The following IFT27 variants were observed in gnomAD, a reference collection of about 807,000 sequenced individuals.
IFT27 encodes intraflagellar transport protein 27 homolog.
A neutral mutation model predicts 23.9 loss-of-function variants in IFT27; 19 were observed. That is an observed-to-expected ratio of 0.79 (90% confidence interval 0.55 to 1.16). IFT27 has a LOEUF of 1.16. Among genes scored for constraint, IFT27 ranks in the 50% most tolerant of loss-of-function variants. IFT27 has a pLI of 0.00. For synonymous variants in IFT27, 91 were observed against 89.1 expected (o/e 1.02, Z -0.12); for missense variants, 206 against 228.7 (o/e 0.90, Z 0.64).
In IFT27 at chr22:36,768,199, C is replaced by CTT. The variant is rs1938303938; in HGVS notation, c.35-339_35-338dup. On this transcript the variant is annotated intron_variant, in intron 1 of 6. Coordinates refer to ENST00000433985, the MANE Select transcript of IFT27 (RefSeq NM_001177701.3). ...CACGCCCTATGGGGAAAAGCTGTCA[C>CTT]TTCCAAACTGGAATTTACTTTGAAG... The CTT allele has an allele frequency of 6.9e-6, 3 of 433,902 alleles. No individual in the cohort carries two copies. In the Admixed American group the frequency reaches 8.9e-5, roughly 13 times the overall value. 26.9% of individuals were successfully genotyped at this position (433,902 alleles called of 1,614,324 possible). A position where few individuals can be genotyped will look rare whatever the true frequency, so the allele number is the denominator to read the frequency against.
Position 36,775,971 on chromosome 22 carries a change from A to G in IFT27, c.-264T>C. 2 of 583,472 alleles carry G rather than the reference A, an allele frequency of 3.4e-6. No individual in the cohort carries two copies. The highest frequency in any genetic ancestry group is 3.7e-5 in the African/African-American group (2 of 53,454). 36.1% of individuals were successfully genotyped at this position (583,472 alleles called of 1,614,324 possible). ...TCGAGGCCTGACACGGCAGTCTGAA[A>G]AGGTGCAAGCGAGCGGACACGGCCT... On this transcript the variant is annotated 5_prime_UTR_variant, in exon 1 of 7. Coordinates refer to ENST00000433985, the MANE Select transcript of IFT27 (RefSeq NM_001177701.3).
intron 1 of IFT27, among the ~76,000 whole-genome samples, chr22:36,771,472 C>G (rs1382144848): frequency 6.6e-6 from 1 of 152,168 alleles, no homozygotes; most frequent in Non-Finnish European, 1.5e-5. Context: ...GAACACAGGG[C>G]TGGGCTCCTC....
In IFT27 at chr22:36,758,377, G is replaced by A; in HGVS notation, c.495C>T (p.His165=). 1 of 1,614,158 alleles carries A rather than the reference G, an allele frequency of 6.2e-7. No individual in the cohort carries two copies. The highest frequency in any genetic ancestry group is 8.5e-7 in the Non-Finnish European group (1 of 1,180,024). ...GCTGGTGGAACTGCTTGGCAAGGCA[G>A]TGGAAAGGGGCTTCGAAGTTTTCCA... is the stretch of plus-strand genomic sequence containing the variant. ...KEMENFEAPF[H]CLAKQFHQLY... is the part of the protein sequence containing the mutation. The change falls in exon 7 of 7, where the codon CAC becomes CAT. Residue 165 remains histidine, a synonymous_variant. Transcript: ENST00000433985.
rs1211294837 is a variant in IFT27 at position 36,758,315 on chromosome 22, G to A, written c.557C>T (p.Ala186Val). The change falls in exon 7 of 7, where the codon GCA (alanine) becomes GTA (valine). Residue 186 changes from alanine to valine, a missense_variant. Transcript: ENST00000433985. ...AGCACGATCTGCTCCAGCTCGTCAT[G>A]CCAGGGCCCGGAAAACCTCCACCTT... ...REKVEVFRAL[A>V] is the part of the protein sequence containing the mutation. The A allele has an allele frequency of 6.2e-7, 1 of 1,613,220 alleles. No individual in the cohort carries two copies. The highest frequency in any genetic ancestry group is 1.1e-5 in the South Asian group (1 of 91,076).
chr22:36,760,757 G>A (rs949329191), intron 6 of IFT27: 2 of 163,676 alleles, frequency 1.2e-5, no homozygotes, highest in African/African-American at 4.8e-5. Flanking sequence ...TTGTAGGGCT[G>A]TTATGAAGCC....
At chr22:36,760,590 C>T (rs1938065072) in intron 6 of IFT27, 1 of 152,196 alleles carries the variant, frequency 6.6e-6, no homozygotes, top group Non-Finnish European at 1.5e-5. Flanking sequence ...ACAGCAGGCT[C>T]CGCAGGAGGC....
At chr22:36,775,260 G>GA (rs36014359) in intron 1 of IFT27, among the ~76,000 whole-genome samples, 114,546 of 151,942 alleles carry the variant, frequency 0.75, 43,717 homozygotes, top group Middle Eastern at 0.92. Flanking sequence ...GAGGTCGGGG[G>GA]AAAAATCCCA....
rs753938507 is a variant in IFT27 at position 36,758,391 on chromosome 22, C to T, written c.481G>A (p.Glu161Lys). ...ETSVKEMENF[E>K]APFHCLAKQF... ...TTGGCAAGGCAGTGGAAAGGGGCTT[C>T]GAAGTTTTCCATCTCTTTCTGGAAA... Residue 161 changes from glutamate (E) to lysine (K), a missense_variant, in exon 7 of 7, where the codon GAA becomes AAA. Transcript: ENST00000433985. The T allele has an allele frequency of 1.8e-5, 29 of 1,613,862 alleles. No individual in the cohort carries two copies. The East Asian group carries it at 2.2e-4, about 12-fold the overall frequency.
At position 36,763,700 on chromosome 22, in the gene IFT27, G is replaced by T; in HGVS notation, c.352+219C>A. On this transcript the variant is annotated intron_variant, in intron 5 of 6. Transcript: ENST00000433985. Reference sequence around the variant, plus strand: ...GAGTCTCCCCACAGCCCTGCCAGGTGCGTGTCCTCATTCCCGTTTCCTAGA... The same window carrying T: ...GAGTCTCCCCACAGCCCTGCCAGGTTCGTGTCCTCATTCCCGTTTCCTAGA... The T allele has an allele frequency of 4.7e-6, 3 of 640,450 alleles. No homozygotes were observed. The South Asian group carries it at 5.1e-5, about 11-fold the overall frequency. The allele number at this position is 640,450 out of a possible 1,614,324, so 39.7% of individuals were successfully genotyped here. A position where few individuals can be genotyped will look rare whatever the true frequency, so the allele number is the denominator to read the frequency against.
At chr22:36,765,963 C>T (rs1938238416) in intron 4 of IFT27, among the ~76,000 whole-genome samples, 175 bp downstream of exon 4, 1 of 152,214 alleles carries the variant, frequency 6.6e-6, no homozygotes, top group African/African-American at 2.4e-5. Context: ...GCATCAGCCA[C>T]TCCTTCTTGC....
At chr22:36,775,591 T>G in intron 1 of IFT27, 83 bp downstream of exon 1, 1 of 1,455,590 alleles carries the variant, frequency 6.9e-7, no homozygotes, top group Non-Finnish European at 9.7e-7. Context: ...GTAGGCAATT[T>G]AGGTGAACAA....
rs528806629 is a variant in IFT27, at chr22:36,772,287, A to C, written c.34+3387T>G. 3.2e-5 allele frequency: 5 copies of C among 157,728 alleles called. No homozygotes were observed. The East Asian group carries it at 9.6e-4, about 30-fold the overall frequency. 9.8% of individuals were successfully genotyped at this position (157,728 alleles called of 1,614,324 possible). The stretch of plus-strand genomic sequence containing the variant: ...TGGTACTTAAGGGCACAGACTCTGG[A>C]GCCAGACTCCAGCTCCATCACTTTC... On this transcript the variant is annotated intron_variant, in intron 1 of 6. Transcript: ENST00000433985.
chr22:36,767,568 G>A (rs948027861), intron 2 of IFT27, among the ~76,000 whole-genome samples: 1 of 152,218 alleles, frequency 6.6e-6, no homozygotes, highest in African/African-American at 2.4e-5. Flanking sequence ...CCTGATGTGA[G>A]CTGCTACACG....
In IFT27 at chr22:36,776,087, G is replaced by A. The variant is rs2187740; in HGVS notation, c.-380C>T. 14,251 of 287,736 alleles carry A rather than the reference G, an allele frequency of 0.05. 2,003 individuals carry two copies. Among genetic ancestry groups the A allele is most frequent in the African/African-American group, 0.29 (13,318 of 46,468 alleles). The allele number at this position is 287,736 out of a possible 1,614,324, so 17.8% of individuals were successfully genotyped here. On this transcript the variant is annotated 5_prime_UTR_variant, in exon 1 of 7. Coordinates refer to ENST00000433985, the MANE Select transcript of IFT27 (RefSeq NM_001177701.3). The stretch of plus-strand genomic sequence containing the variant: ...TCCTCCGATCACAAGTACCGGGCCG[G>A]ATGCACTCTCCAAGCAACCATAGCC...
intron 1 of IFT27, among the ~76,000 whole-genome samples, chr22:36,773,329 C>T (rs1938428797): frequency 6.6e-6 from 1 of 150,716 alleles, no homozygotes; most frequent in African/African-American, 2.4e-5. Context: ...CACTGCACTC[C>T]AGCCTGGGAG....
intron 6 of IFT27, chr22:36,760,868 A>AT (rs1285866699): frequency 6.0e-6 from 1 of 167,084 alleles, no homozygotes; most frequent in Non-Finnish European, 1.5e-5. Flanking sequence ...ATCAGCGCGG[A>AT]TTGTTCTTGC....
At position 36,776,019 on chromosome 22, in the gene IFT27, G is replaced by C; in HGVS notation, c.-312C>G. 5 of 509,958 alleles carry C rather than the reference G, an allele frequency of 9.8e-6. No homozygotes were observed. Among genetic ancestry groups the C allele is most frequent in the Non-Finnish European group, 1.8e-5 (5 of 279,934 alleles). The allele number at this position is 509,958 out of a possible 1,614,324, so 31.6% of individuals were successfully genotyped here. A position where few individuals can be genotyped will look rare whatever the true frequency, so the allele number is the denominator to read the frequency against. On this transcript the variant is annotated 5_prime_UTR_variant, in exon 1 of 7. Transcript: ENST00000433985. The stretch of plus-strand genomic sequence containing the variant: ...CCTGTGCTCCCCGCCCAGCCCCTCA[G>C]CACAGCCCTACCCAGAGGGTTCAAG...
At chr22:36,758,995 A>G (rs1362067924) in intron 6 of IFT27, 2 of 154,354 alleles carry the variant, frequency 1.3e-5, no homozygotes, top group African/African-American at 4.8e-5. Flanking sequence ...AAGTGGAGCC[A>G]GCCTGGTGCT....
At position 36,759,948 on chromosome 22, in the gene IFT27, T is replaced by C. The variant is rs1278754887; in HGVS notation, c.463-1539A>G. ...CGTGGAGAAAGTTACCTGGACTTTC[T>C]AGCAAGGGAAAGCCTAAGTAAAGAA... On this transcript the variant is annotated intron_variant, in intron 6 of 6. Coordinates refer to ENST00000433985, the MANE Select transcript of IFT27 (RefSeq NM_001177701.3). 3 of 152,228 alleles carry C rather than the reference T, an allele frequency of 2.0e-5. No individual in the cohort carries two copies. In the East Asian group the frequency reaches 5.8e-4, roughly 29 times the overall value. The allele number at this position is 152,228 out of a possible 1,614,324, so 9.4% of individuals were successfully genotyped here.
Sources: gnomAD v4.1 joint callset for allele counts (sites outside exome capture counted in the v4.1 genomes callset) on GRCh38, gnomAD v4.1.1 for gene constraint, MANE v1.5 for transcripts, NCBI Gene and HGNC (gene_info 2026-07-23, HGNC 2026-07-21) for gene names.